Variants in SSC5D observed in about 807,000 individuals in gnomAD.
The protein encoded by SSC5D is scavenger receptor cysteine rich family member with 5 domains.
In SSC5D, 106 loss-of-function variants were observed where a neutral mutation model predicts 104.6. The ratio of observed to expected loss-of-function variants is 1.01; its 90% CI spans 0.87 to 1.19. The LOEUF is 1.19. Among genes scored for constraint, SSC5D ranks in the 50% most tolerant of loss-of-function variants. SSC5D has a pLI of 0.00. For missense variants in SSC5D, 1,993 were observed against 2,153.8 expected, an observed-to-expected ratio of 0.93 and a Z score of 1.48; for synonymous variants, 860 against 883.5, an observed-to-expected ratio of 0.97 and a Z score of 0.47.
At chr19:55,506,462 T>C (rs1987638581) in intron 12 of SSC5D, among the ~76,000 whole-genome samples, 1 of 135,976 alleles carries the variant, frequency 7.4e-6, no homozygotes, top group Non-Finnish European at 1.5e-5. Flanking sequence ...TGGCGTGATC[T>C]TGTCTCACTG....
Position 55,495,235 on chromosome 19 carries a change from T to TATA in SSC5D, c.1387+452_1387+453insATA, listed in dbSNP as rs35787509. On this transcript the variant is annotated intron_variant, in intron 8 of 13. Coordinates refer to ENST00000389623, the MANE Select transcript of SSC5D (RefSeq NM_001144950.2). ...TCCTTTCATATATATATATATATAT[T>TATA]TTTTTTTTTTTTTTTTTTTTTTTTT... Among the ~76,000 whole-genome samples the TATA allele has an allele frequency of 5.4e-3, 148 of 27,502 alleles. 6 individuals are homozygous for TATA. Among genetic ancestry groups the TATA allele is most frequent in the African/African-American group, 0.019 (126 of 6,470 alleles). The allele number at this position is 27,502 out of a possible 152,430, so 18.0% of individuals were successfully genotyped here.
intron 9 of SSC5D, among the ~76,000 whole-genome samples, chr19:55,499,409 G>A (rs949769442): frequency 2.0e-5 from 3 of 152,298 alleles, no homozygotes; most frequent in East Asian, 1.9e-4. Context: ...TTCTGAGTTC[G>A]GGAGTGGCCT....
intron 9 of SSC5D, among the ~76,000 whole-genome samples, chr19:55,499,128 A>G (rs1435357660): frequency 6.6e-6 from 1 of 152,228 alleles, no homozygotes; most frequent in Non-Finnish European, 1.5e-5. Flanking sequence ...CTGTTAGCAT[A>G]GGCGATCTGG....
At chr19:55,514,262 A>G (rs1310254556) in intron 13 of SSC5D, among the ~76,000 whole-genome samples, 5 of 151,798 alleles carry the variant, frequency 3.3e-5, no homozygotes, top group African/African-American at 1.2e-4. Context: ...AAAATTAGCC[A>G]GGCGTGGTGG....
chr19:55,500,884 C>G lies in SSC5D; in HGVS notation c.2617+80C>G, dbSNP rs1372464897. ...GTCAGGGTGGGGCCAGGTGACGGCA[C>G]CATGGTCGACTCTAAAGAACTGGGT... On this transcript the variant is annotated intron_variant, in intron 11 of 13. Coordinates refer to ENST00000389623, the MANE Select transcript of SSC5D (RefSeq NM_001144950.2). This position sits in a 1 kb window ranked among gnomAD's most constrained non-coding sequence, Gnocchi z 4.6. The G allele has an allele frequency of 6.7e-7, 1 of 1,503,366 alleles. No individual in the cohort carries two copies. The highest frequency in any genetic ancestry group is 8.9e-7 in the Non-Finnish European group (1 of 1,118,022). The allele number at this position is 1,503,366 out of a possible 1,614,324, so 93.1% of individuals were successfully genotyped here. A position where few individuals can be genotyped will look rare whatever the true frequency, so the allele number is the denominator to read the frequency against.
At position 55,490,383 on chromosome 19, in the gene SSC5D, G is replaced by A; in HGVS notation, c.561G>A (p.Leu187=). 1 of 1,495,660 alleles carries A rather than the reference G, an allele frequency of 6.7e-7. No individual in the cohort carries two copies. Among genetic ancestry groups the A allele is most frequent in the Non-Finnish European group, 9.0e-7 (1 of 1,105,510 alleles). The allele number at this position is 1,495,660 out of a possible 1,614,324, so 92.6% of individuals were successfully genotyped here. Residue 187 remains leucine, a synonymous_variant, in exon 5 of 14, where the codon CTG becomes CTA. Coordinates refer to ENST00000389623, the MANE Select transcript of SSC5D (RefSeq NM_001144950.2). ...PKQAKSTRAP[L]LTTGAPRQER... ...AGGCCAAGTCCACCCGGGCCCCTCTGCTGACGACAGGAGCCCCCCGCCAAG... is the reference window on the plus strand; with the variant it reads ...AGGCCAAGTCCACCCGGGCCCCTCTACTGACGACAGGAGCCCCCCGCCAAG...
chr19:55,505,509 A>G (rs1987620080), intron 12 of SSC5D, among the ~76,000 whole-genome samples: 1 of 151,852 alleles, frequency 6.6e-6, no homozygotes, highest in Non-Finnish European at 1.5e-5. Flanking sequence ...GTAGGTCAGA[A>G]GTCAGACTTG....
In SSC5D at chr19:55,499,818, C is replaced by A. The variant is rs1334775413; in HGVS notation, c.1708C>A (p.Pro570Thr). 1.3e-6 allele frequency: 2 copies of A among 1,548,900 alleles called. No homozygotes were observed. Among genetic ancestry groups the A allele is most frequent in the East Asian group, 2.4e-5 (1 of 40,862 alleles). ...NEDVGVTCTGPPGLDSISDPF... is the reference protein window; with the variant it reads ...NEDVGVTCTGTPGLDSISDPF... ...TTCCTGCCCCACTCACCTTCCAGGG[C>A]CCCCAGGCCTGGACTCCATCTCAGA... Residue 570 changes from proline to threonine, a missense_variant and splice_region_variant, in exon 10 of 14, where the codon CCC (proline) becomes ACC (threonine). Pro to Thr is a conservative substitution (Grantham distance 38). This residue lies in a region of SSC5D where 1,101 missense variants were observed against 1,085.0 expected (regional missense o/e 1.01). Coordinates refer to ENST00000389623, the MANE Select transcript of SSC5D (RefSeq NM_001144950.2).
At chr19:55,489,057 T>TGGGGGGGGGGGGGGGGGGGGGGGGGGGGG in intron 2 of SSC5D, 25 bp downstream of exon 2, 2 of 1,247,978 alleles carry the variant, frequency 1.6e-6, no homozygotes, top group East Asian at 3.6e-5. Flanking sequence ...TCCTCCCATC[T>TGGGGGGGGGGGGGGGGGGGGGGGGGGGGG]GCCCGCCCCC....
chr19:55,491,222 C>G (rs527892238), intron 6 of SSC5D, 142 bp downstream of exon 6: 1 of 897,860 alleles, frequency 1.1e-6, no homozygotes. Context: ...CCACTCACCA[C>G]GCTCTCCAGC....
chr19:55,517,350 AC>A lies in SSC5D; in HGVS notation c.3075del (p.Ser1026ProfsTer11). 1 of 1,550,072 alleles carries A rather than the reference AC, an allele frequency of 6.5e-7. No individual in the cohort carries two copies. The highest frequency in any genetic ancestry group is 8.7e-7 in the Non-Finnish European group (1 of 1,146,834). On this transcript the variant is annotated frameshift_variant, in exon 14 of 14. Coordinates refer to ENST00000389623, the MANE Select transcript of SSC5D (RefSeq NM_001144950.2). LOFTEE classifies it low-confidence loss of function (END_TRUNC). ...PGPPGPALTS[D>X]SSRELTPHSA... ...CCCCCAGGCCCAGCGCTGACCTCTG[AC>A]TCCAGTCGAGAGCTCACTCCCCACT...
intron 12 of SSC5D, among the ~76,000 whole-genome samples, chr19:55,509,623 G>A (rs992674113): frequency 6.6e-6 from 1 of 150,380 alleles, no homozygotes; most frequent in Non-Finnish European, 1.5e-5. Flanking sequence ...TTGAGAGGCT[G>A]AGGCAGGCAG....
At position 55,518,381 on chromosome 19, in the gene SSC5D, A is replaced by G. The variant is rs1216679756; in HGVS notation, c.4105A>G (p.Thr1369Ala). The change falls in exon 14 of 14, where the codon ACA (threonine) becomes GCA (alanine). Residue 1369 changes from threonine to alanine, a missense_variant. By Grantham distance (58) the Thr-to-Ala change is moderately conservative. Coordinates refer to ENST00000389623, the MANE Select transcript of SSC5D (RefSeq NM_001144950.2). Reference sequence around the variant, plus strand: ...CAGTCTGCACCCCCAGTTGACCTTCACAGCACCTGCCCCTCACACCTCCAC... The same window carrying G: ...CAGTCTGCACCCCCAGTTGACCTTCGCAGCACCTGCCCCTCACACCTCCAC... ...KPSLHPQLTFTAPAPHTSTSQ... is the reference protein window; with the variant it reads ...KPSLHPQLTFAAPAPHTSTSQ... 1 of 1,550,422 alleles carries G rather than the reference A, an allele frequency of 6.4e-7. No individual in the cohort carries two copies. The highest frequency in any genetic ancestry group is 2.0e-5 in the Admixed American group (1 of 50,874).
chr19:55,512,287 G>T (rs1234511455), intron 12 of SSC5D, among the ~76,000 whole-genome samples: 3 of 146,416 alleles, frequency 2.0e-5, no homozygotes, highest in Non-Finnish European at 4.5e-5. Context: ...AAATAAAATG[G>T]CATACATATA....
In SSC5D at chr19:55,518,803, G is replaced by C. The variant is rs1987956136; in HGVS notation, c.4527G>C (p.Gln1509His). Residue 1509 changes from glutamine (Q) to histidine (H), a missense_variant, in exon 14 of 14, where the codon CAG becomes CAC. Around this residue, in one of 6 missense-constraint regions of SSC5D, gnomAD observed 349 missense variants for 397.6 expected, o/e 0.88. Coordinates refer to ENST00000389623, the MANE Select transcript of SSC5D (RefSeq NM_001144950.2). ...DVGGQLQRLT[Q>H]VVEQERQERQ... Reference sequence around the variant, plus strand: ...GTGGTCAGCTGCAGAGACTGACCCAGGTCGTGGAACAGGAGCGGCAGGAGC... The same window carrying C: ...GTGGTCAGCTGCAGAGACTGACCCACGTCGTGGAACAGGAGCGGCAGGAGC... 6.4e-7 allele frequency: 1 copy of C among 1,550,558 alleles called. No individual in the cohort carries two copies. Among genetic ancestry groups the C allele is most frequent in the Non-Finnish European group, 8.7e-7 (1 of 1,146,968 alleles).
Position 55,488,483 on chromosome 19 carries a change from C to G in SSC5D, c.-107C>G. 1 of 1,020,910 alleles carries G rather than the reference C, an allele frequency of 9.8e-7. No individual in the cohort carries two copies. Among genetic ancestry groups the G allele is most frequent in the Non-Finnish European group, 1.5e-6 (1 of 679,312 alleles). 63.2% of individuals were successfully genotyped at this position (1,020,910 alleles called of 1,614,324 possible). A position where few individuals can be genotyped will look rare whatever the true frequency, so the allele number is the denominator to read the frequency against. Reference sequence around the variant, plus strand: ...CTGCCTGCTCCTCCTCGGGCCTGGGCGCCTCCAGCAGGCACTTCCCTCCCT... The same window carrying G: ...CTGCCTGCTCCTCCTCGGGCCTGGGGGCCTCCAGCAGGCACTTCCCTCCCT... On this transcript the variant is annotated 5_prime_UTR_variant, in exon 1 of 14. Coordinates refer to ENST00000389623, the MANE Select transcript of SSC5D (RefSeq NM_001144950.2).
At position 55,503,125 on chromosome 19, in the gene SSC5D, G is replaced by A. The variant is rs1353868409; in HGVS notation, c.2785+1924G>A. Among the ~76,000 whole-genome samples, 3 of 151,754 alleles carry A rather than the reference G, an allele frequency of 2.0e-5. No homozygotes were observed. The highest frequency in any genetic ancestry group is 2.9e-5 in the Non-Finnish European group (2 of 67,974). On this transcript the variant is annotated intron_variant, in intron 12 of 13. Coordinates refer to ENST00000389623, the MANE Select transcript of SSC5D (RefSeq NM_001144950.2). This position sits in a 1 kb window ranked among gnomAD's most constrained non-coding sequence, Gnocchi z 4.0. Reference sequence around the variant, plus strand: ...ACTGCTCCCGGCCTGATTTTTTGTCGAGATGGGTTCTCACTATGTTGCCCA... The same window carrying A: ...ACTGCTCCCGGCCTGATTTTTTGTCAAGATGGGTTCTCACTATGTTGCCCA...
At chr19:55,504,660 C>T (rs889879408) in intron 12 of SSC5D, among the ~76,000 whole-genome samples, 13 of 152,132 alleles carry the variant, frequency 8.5e-5, no homozygotes, top group African/African-American at 2.9e-4. Flanking sequence ...GCCACCACAC[C>T]GGGCTAATTT....
chr19:55,509,389 C>G (rs1987703867), intron 12 of SSC5D, among the ~76,000 whole-genome samples: 1 of 152,090 alleles, frequency 6.6e-6, no homozygotes, highest in Admixed American at 6.6e-5. Flanking sequence ...CGCCCATGAG[C>G]CTAAGGACAT....
Sources: allele counts gnomAD v4.1 joint callset (sites outside exome capture counted in the v4.1 genomes callset), GRCh38; gene constraint gnomAD v4.1.1; regional missense constraint gnomAD v4.1.1; non-coding constraint Gnocchi (gnomAD v3.1); transcripts MANE v1.5; gene names NCBI Gene and HGNC (gene_info 2026-07-23, HGNC 2026-07-21).